The following FHAD1 variants were observed in gnomAD, a reference collection of about 807,000 sequenced individuals.
FHAD1 encodes the protein forkhead-associated domain-containing protein 1.
Under a neutral mutation model 191.3 loss-of-function variants are expected in FHAD1, and 146 were observed. The ratio of observed to expected loss-of-function variants is 0.76; its 90% confidence interval spans 0.67 to 0.88. The LOEUF (loss-of-function observed/expected upper bound fraction) is 0.88, where lower values mean the gene tolerates loss of function less well. Among genes scored for constraint, FHAD1 ranks in the 40% least tolerant of loss-of-function variants. The probability of loss-of-function intolerance (pLI) is 0.00; values close to 1 mark genes in which losing one functional copy is unlikely to be tolerated. For missense variants in FHAD1, 1,635 were observed against 1,785.8 expected, an observed-to-expected ratio of 0.92 and a Z score of 1.52; for synonymous variants, 616 against 672.3, an observed-to-expected ratio of 0.92 and a Z score of 1.29.
intron 20 of FHAD1, among the ~76,000 whole-genome samples, chr1:15,354,268 C>T (rs933651577): frequency 6.6e-6 from 1 of 152,212 alleles, no homozygotes; most frequent in African/African-American, 2.4e-5. Flanking sequence ...CAGGAAGCTG[C>T]ATGTTTCATA....
intron 1 of FHAD1, among the ~76,000 whole-genome samples, chr1:15,248,882 C>G (rs1026609892): frequency 6.6e-6 from 1 of 152,228 alleles, no homozygotes; most frequent in East Asian, 1.9e-4. Context: ...GCCACCGTGC[C>G]CAGCCAGAGA....
At chr1:15,360,743 G>A in intron 22 of FHAD1, 40 bp downstream of exon 22, 1 of 1,519,364 alleles carries the variant, frequency 6.6e-7, no homozygotes, top group Non-Finnish European at 8.9e-7. Flanking sequence ...TAGTGTTCGG[G>A]GCAGGTTCTG....
Position 15,296,750 on chromosome 1 carries a change from C to T in FHAD1, c.635C>T (p.Pro212Leu), listed in dbSNP as rs1667122576. ...GAGGGGATTCCTGGGGCAGTTCCCC[C>T]TGCGGAGATTTATGTGGAGGAGGAC... ...VAEGIPGAVP[P>L]AEIYVEEDLA... The change falls in exon 5 of 34, where the codon CCT becomes CTT. Residue 212 changes from proline to leucine, a missense_variant. Transcript: ENST00000688493. 2 of 1,551,834 alleles carry T rather than the reference C, an allele frequency of 1.3e-6. No homozygotes were observed. The highest frequency in any genetic ancestry group is 2.4e-5 in the East Asian group (1 of 40,904).
rs1030064560 is a variant in FHAD1 at position 15,369,302 on chromosome 1, T to C, written c.3315-68T>C. ...AAAAATAGAGCTCCATGTCCTGGTCTTCCAATGAGTGTAAAAGTAATTTGT... is the reference window on the plus strand; with the variant it reads ...AAAAATAGAGCTCCATGTCCTGGTCCTCCAATGAGTGTAAAAGTAATTTGT... On this transcript the variant is annotated intron_variant, in intron 25 of 33. Transcript: ENST00000688493. 1.9e-5 allele frequency: 29 copies of C among 1,499,202 alleles called. No individual in the cohort carries two copies. The East Asian group carries it at 2.2e-4, about 11-fold the overall frequency. 92.9% of individuals were successfully genotyped at this position (1,499,202 alleles called of 1,614,324 possible).
rs1318189882 is a variant in FHAD1, at chr1:15,289,690, T to C, written c.568+24T>C. 1 of 1,532,258 alleles carries C rather than the reference T, an allele frequency of 6.5e-7. No homozygotes were observed. Among genetic ancestry groups the C allele is most frequent in the Non-Finnish European group, 8.8e-7 (1 of 1,132,484 alleles). 94.9% of individuals were successfully genotyped at this position (1,532,258 alleles called of 1,614,324 possible). A position where few individuals can be genotyped will look rare whatever the true frequency, so the allele number is the denominator to read the frequency against. Reference sequence around the variant, plus strand: ...AGGTATGCGTCAGGGCTGCCATTGGTGGCTTGGGGGTGGTTCACGGCCATG... The same window carrying C: ...AGGTATGCGTCAGGGCTGCCATTGGCGGCTTGGGGGTGGTTCACGGCCATG... On this transcript the variant is annotated intron_variant, in intron 4 of 33. Coordinates refer to ENST00000688493, the MANE Select transcript of FHAD1 (RefSeq NM_001391957.1). This position sits in a 1 kb window ranked among gnomAD's most constrained non-coding sequence, Gnocchi z 4.2.
Position 15,365,481 on chromosome 1 carries a change from A to ATTT in FHAD1, c.3048-328_3048-326dup, listed in dbSNP as rs71587751. ...AGCCACACACCACTATGCCTGGCTA[A>ATTT]TTTTTTTTTTTTTTTTTTTTGTAGA... On this transcript the variant is annotated intron_variant, in intron 23 of 33. Transcript: ENST00000688493. Among the ~76,000 whole-genome samples, 64 of 112,754 alleles carry ATTT rather than the reference A, an allele frequency of 5.7e-4. 5 individuals carry two copies. The highest frequency in any genetic ancestry group is 2.2e-3 in the African/African-American group (50 of 23,184). 74.0% of individuals were successfully genotyped at this position (112,754 alleles called of 152,430 possible).
At chr1:15,254,719 A>G (rs75168753) in intron 2 of FHAD1, among the ~76,000 whole-genome samples, 1,915 of 152,326 alleles carry the variant, frequency 0.013, 54 homozygotes, top group African/African-American at 0.044. Flanking sequence ...TTCCAGAAGC[A>G]TGAGCTTACA....
intron 23 of FHAD1, 118 bp from the exon 24 acceptor site, chr1:15,365,709 G>A: frequency 1.6e-6 from 1 of 631,872 alleles, no homozygotes; most frequent in Non-Finnish European, 2.8e-6. Flanking sequence ...TGCTGGGACT[G>A]GCGTTGCATG....
At chr1:15,394,521 C>T (rs1443897312) in intron 33 of FHAD1, among the ~76,000 whole-genome samples, 1 of 152,098 alleles carries the variant, frequency 6.6e-6, no homozygotes, top group Non-Finnish European at 1.5e-5. Context: ...CCTTTCTTGC[C>T]CTGAAACAAT....
intron 33 of FHAD1, among the ~76,000 whole-genome samples, chr1:15,392,304 G>A (rs944349076): frequency 8.5e-5 from 13 of 152,176 alleles, no homozygotes; most frequent in South Asian, 2.1e-4. Flanking sequence ...AGGCCAAGGC[G>A]GGCGGATCAC....
chr1:15,280,003 A>C (rs542777923), intron 3 of FHAD1, among the ~76,000 whole-genome samples: 1 of 152,336 alleles, frequency 6.6e-6, no homozygotes, highest in East Asian at 1.9e-4. Context: ...TCCATTCTCT[A>C]TCAGGGAAGT....
At chr1:15,377,928 C>G (rs1369056654) in intron 28 of FHAD1, among the ~76,000 whole-genome samples, 2 of 152,214 alleles carry the variant, frequency 1.3e-5, no homozygotes, top group Admixed American at 6.5e-5. Context: ...TGAGCAGAGC[C>G]CTTCACATGT....
At chr1:15,264,295 C>A (rs776593133) in intron 2 of FHAD1, among the ~76,000 whole-genome samples, 1 of 152,068 alleles carries the variant, frequency 6.6e-6, no homozygotes, top group Non-Finnish European at 1.5e-5. Flanking sequence ...TTATTTGTAT[C>A]TTCTTTAATT....
At position 15,358,284 on chromosome 1, in the gene FHAD1, G is replaced by A. The variant is rs764051641; in HGVS notation, c.2736+1G>A. The A allele has an allele frequency of 3.2e-5, 49 of 1,526,980 alleles. 1 individual carries two copies. Among genetic ancestry groups the A allele is most frequent in the Non-Finnish European group, 3.9e-5 (45 of 1,141,534 alleles). The allele number at this position is 1,526,980 out of a possible 1,614,324, so 94.6% of individuals were successfully genotyped here. A position where few individuals can be genotyped will look rare whatever the true frequency, so the allele number is the denominator to read the frequency against. ...ACTGGAAACTACCAAGACAAAAATG[G>A]TAAGTCGGTGCCTTCCGGGAACGGG... On this transcript the variant is annotated splice_donor_variant, in intron 21 of 33. Transcript: ENST00000688493. LOFTEE classifies it high-confidence loss of function.
At chr1:15,399,834 G>GCAGCAGATACTGCAGCTGCT, downstream of FHAD1, 1 of 152,326 alleles carries the variant, frequency 6.6e-6, no homozygotes, top group African/African-American at 2.4e-5. Context: ...CAGAGGCAGT[G>GCAGCAGATACTGCAGCTGCT]CAGCAGATAC....
intron 32 of FHAD1, among the ~76,000 whole-genome samples, chr1:15,390,521 T>C (rs899837198): frequency 1.3e-5 from 2 of 151,910 alleles, no homozygotes; most frequent in Non-Finnish European, 2.9e-5. Flanking sequence ...CTCACCGCCT[T>C]CTTTGACTTC....
At chr1:15,375,751 C>G (rs1699397794) in intron 28 of FHAD1, 21 bp downstream of exon 28, 6 of 1,520,888 alleles carry the variant, frequency 3.9e-6, no homozygotes, top group Middle Eastern at 1.7e-4. Flanking sequence ...AAAATTCTCT[C>G]TGCTGTGACT....
At chr1:15,365,705 G>T in intron 23 of FHAD1, 122 bp from the exon 24 acceptor site, 2 of 622,650 alleles carry the variant, frequency 3.2e-6, no homozygotes. Flanking sequence ...CCTTTGCTGG[G>T]ACTGGCGTTG....
intron 2 of FHAD1, among the ~76,000 whole-genome samples, chr1:15,254,224 A>G (rs1462555741): frequency 6.6e-6 from 1 of 152,196 alleles, no homozygotes; most frequent in African/African-American, 2.4e-5. Flanking sequence ...CTCTGTTTTG[A>G]ACTGGACTAT....
Sources: gnomAD v4.1 joint callset for allele counts (sites outside exome capture counted in the v4.1 genomes callset) on GRCh38, gnomAD v4.1.1 for gene constraint, Gnocchi (gnomAD v3.1) non-coding constraint, MANE v1.5 for transcripts, NCBI Gene and HGNC (gene_info 2026-07-23, HGNC 2026-07-21) for gene names.